The following KIAA1217 variants were observed in gnomAD, a reference collection of about 807,000 sequenced individuals.
KIAA1217 encodes the protein KIAA1217.
In KIAA1217, 88 loss-of-function variants were observed where a neutral mutation model predicts 163.9. That is an observed-to-expected ratio of 0.54 (90% CI 0.45 to 0.64). KIAA1217 has a LOEUF of 0.64. Among genes scored for constraint, KIAA1217 ranks in the 30% least tolerant of loss-of-function variants. The pLI, the probability that KIAA1217 is intolerant of heterozygous loss-of-function variation, is 0.00. For synonymous variants in KIAA1217, 903 were observed against 923.1 expected, an observed-to-expected ratio of 0.98 and a Z score of 0.39; for missense variants, 2,372 against 2,475.0, an observed-to-expected ratio of 0.96 and a Z score of 0.88.
At chr10:24,290,249 G>A (rs1417311022) in intron 2 of KIAA1217, among the ~76,000 whole-genome samples, 1 of 152,084 alleles carries the variant, frequency 6.6e-6, no homozygotes, top group Admixed American at 6.5e-5. Context: ...AATGAACAGT[G>A]GGCTCATTAT....
intron 1 of KIAA1217, among the ~76,000 whole-genome samples, chr10:23,824,660 T>TAA (rs1837811220): frequency 9.3e-6 from 1 of 107,140 alleles, no homozygotes; most frequent in Non-Finnish European, 1.8e-5. Flanking sequence ...ATAAAAAAAA[T>TAA]ATATATATAT....
intron 5 of KIAA1217, among the ~76,000 whole-genome samples, chr10:24,454,920 G>A (rs2061653081): frequency 6.6e-6 from 1 of 151,066 alleles, no homozygotes; most frequent in African/African-American, 2.5e-5. Flanking sequence ...TATCTGCAGG[G>A]TTCAGATCTT....
chr10:24,178,691 C>G (rs1277310663), intron 2 of KIAA1217, among the ~76,000 whole-genome samples: 1 of 152,200 alleles, frequency 6.6e-6, no homozygotes, highest in African/African-American at 2.4e-5. Flanking sequence ...TCAGTTGTTC[C>G]ATTTCCTTTG....
chr10:24,190,358 A>T (rs1446687394), intron 2 of KIAA1217, among the ~76,000 whole-genome samples: 2 of 152,138 alleles, frequency 1.3e-5, no homozygotes, highest in African/African-American at 2.4e-5. Flanking sequence ...AAGCAGGAGG[A>T]GGTTTTACCT....
chr10:24,545,499 C>T, intron 20 of KIAA1217: 2 of 1,284,052 alleles, frequency 1.6e-6, no homozygotes, highest in Middle Eastern at 3.0e-4. Flanking sequence ...AGCACATTAA[C>T]ACTCCGTCAC....
At chr10:24,067,485 C>T (rs1258600466) in intron 2 of KIAA1217, among the ~76,000 whole-genome samples, 3 of 152,176 alleles carry the variant, frequency 2.0e-5, no homozygotes, top group African/African-American at 7.2e-5. Flanking sequence ...AATGCTGCTG[C>T]CTGATCGCTC....
intron 1 of KIAA1217, among the ~76,000 whole-genome samples, chr10:23,905,492 C>T (rs540914107): frequency 4.0e-4 from 61 of 152,124 alleles, no homozygotes; most frequent in South Asian, 1.7e-3. Flanking sequence ...TTCAGTCATT[C>T]GCCCAAGGTC....
chr10:23,733,940 T>C (rs539635070), intron 1 of KIAA1217, among the ~76,000 whole-genome samples: 8 of 152,350 alleles, frequency 5.3e-5, no homozygotes, highest in Non-Finnish European at 1.2e-4. Context: ...ATTTTAAATA[T>C]TTTTCAGTAT....
intron 1 of KIAA1217, among the ~76,000 whole-genome samples, chr10:24,211,532 GTTGTATTGTATTGTATTGTATTGTA>G (rs371671093): frequency 1.0e-4 from 8 of 79,016 alleles, no homozygotes; most frequent in Non-Finnish European, 1.7e-4. Context: ...ACCATGCATG[GTTGTATTGTATTGTATTGTATTGTA>G]TTGTATTGTA....
At chr10:23,738,616 G>GTTT (rs5783859) in intron 1 of KIAA1217, among the ~76,000 whole-genome samples, 25,459 of 150,872 alleles carry the variant, frequency 0.17, 2,289 homozygotes, top group Middle Eastern at 0.24. Flanking sequence ...CTTTAGAAAT[G>GTTT]TTTTTTTTTC....
At chr10:23,941,013 C>G (rs1564551020) in intron 1 of KIAA1217, among the ~76,000 whole-genome samples, 1 of 152,162 alleles carries the variant, frequency 6.6e-6, no homozygotes, top group South Asian at 2.1e-4. Flanking sequence ...CTTGATAGAG[C>G]AGCTCTGTCT....
intron 1 of KIAA1217, among the ~76,000 whole-genome samples, chr10:23,890,803 A>AT (rs1384734967): frequency 2.0e-5 from 3 of 151,958 alleles, no homozygotes; most frequent in Non-Finnish European, 4.4e-5. Context: ...ATCCTTACTG[A>AT]TTTTTTGCCT....
chr10:23,746,295 G>A (rs187142026), intron 1 of KIAA1217, among the ~76,000 whole-genome samples: 70 of 152,324 alleles, frequency 4.6e-4, no homozygotes, highest in African/African-American at 1.6e-3. Context: ...TCAGCCATGA[G>A]TGGAAGCAGC....
chr10:23,795,546 T>A (rs529716766), intron 1 of KIAA1217, among the ~76,000 whole-genome samples: 3 of 152,174 alleles, frequency 2.0e-5, no homozygotes, highest in Non-Finnish European at 4.4e-5. Context: ...ATAGGCAAAA[T>A]CATAAATCAT....
At chr10:24,520,689 A>ACACACACACACACACACAC (rs763777354) in intron 11 of KIAA1217, among the ~76,000 whole-genome samples, 42 of 103,102 alleles carry the variant, frequency 4.1e-4, no homozygotes, top group African/African-American at 1.8e-3. Flanking sequence ...CACACACACA[A>ACACACACACACACACACAC]AAAAAAATTA....
intron 2 of KIAA1217, among the ~76,000 whole-genome samples, chr10:24,314,146 CA>C (rs2043060467): frequency 6.6e-6 from 1 of 152,144 alleles, no homozygotes; most frequent in Admixed American, 6.5e-5. Flanking sequence ...AAGAGAGCTT[CA>C]AAAATACCTG....
intron 2 of KIAA1217, among the ~76,000 whole-genome samples, chr10:24,157,444 G>A (rs1282331816): frequency 2.6e-5 from 4 of 152,154 alleles, no homozygotes; most frequent in Non-Finnish European, 5.9e-5. Context: ...TCTCTGGCTT[G>A]TCTTCTTGTT....
intron 2 of KIAA1217, among the ~76,000 whole-genome samples, chr10:24,289,662 C>T (rs949770034): frequency 1.3e-5 from 2 of 151,984 alleles, no homozygotes; most frequent in South Asian, 2.1e-4. Flanking sequence ...GAGAGAGTTT[C>T]CGTGTGGGAA....
upstream of KIAA1217, among the ~76,000 whole-genome samples, chr10:24,208,374 GGTGTGTGTGTGT>G (rs10539475): frequency 6.7e-6 from 1 of 148,846 alleles, no homozygotes; most frequent in Admixed American, 6.7e-5. Context: ...TTAAGGGCTG[GGTGTGTGTGTGT>G]GTGTGTGTGT....
Sources: allele counts gnomAD v4.1 joint callset (sites outside exome capture counted in the v4.1 genomes callset), GRCh38; gene constraint gnomAD v4.1.1; transcripts MANE v1.5; gene names NCBI Gene and HGNC (gene_info 2026-07-23, HGNC 2026-07-21).